The following SATB2 variants were observed in gnomAD, a reference collection of about 807,000 sequenced individuals.
SATB2 encodes the protein SATB homeobox 2, also known as DNA-binding protein SATB2.
Under a neutral mutation model 73.4 loss-of-function variants are expected in SATB2, and 1 was observed. That is an observed-to-expected ratio of 0.01 (90% confidence interval 0.00 to 0.06). SATB2 has a LOEUF of 0.06. Among genes scored for constraint, SATB2 ranks in the 10% least tolerant of loss-of-function variants. The pLI is 1.00. For missense variants in SATB2, 459 were observed against 945.8 expected (o/e 0.49, Z 6.75); for synonymous variants, 397 against 367.0 (o/e 1.08, Z -0.93).
At chr2:199,389,471 A>G (rs577877804) in intron 3 of SATB2, among the ~76,000 whole-genome samples, 1 of 152,232 alleles carries the variant, frequency 6.6e-6, no homozygotes, top group Non-Finnish European at 1.5e-5. Flanking sequence ...GGAGCCTACA[A>G]TGGATTTAAT....
intron 3 of SATB2, among the ~76,000 whole-genome samples, chr2:199,417,752 T>C (rs539850210): frequency 6.6e-6 from 1 of 152,336 alleles, no homozygotes; most frequent in South Asian, 2.1e-4. Context: ...AGTTTTATTA[T>C]ATTGTCAGCC....
chr2:199,377,671 G>A lies in SATB2; in HGVS notation c.597+2693C>T, dbSNP rs150670895. Among the ~76,000 whole-genome samples the A allele has an allele frequency of 1.8e-4, 27 of 152,232 alleles. 1 individual carries two copies. The East Asian group carries it at 4.3e-3, about 24-fold the overall frequency. On this transcript the variant is annotated intron_variant, in intron 5 of 10. Transcript: ENST00000417098. The stretch of plus-strand genomic sequence containing the variant: ...TGATGGTCTTTATGATATGGAGTCC[G>A]TACTTCCTACAGGGTGGGTAGGGGG...
chr2:199,330,877 T>C (rs1025659608), intron 7 of SATB2, among the ~76,000 whole-genome samples: 9 of 152,168 alleles, frequency 5.9e-5, no homozygotes, highest in African/African-American at 2.2e-4. Context: ...GTTGGTCTTT[T>C]TCCTCTCCCT....
At chr2:199,456,273 C>T (rs1309405212) in intron 1 of SATB2, among the ~76,000 whole-genome samples, 177 bp from the exon 2 acceptor site, 2 of 152,226 alleles carry the variant, frequency 1.3e-5, no homozygotes, top group African/African-American at 4.8e-5. Flanking sequence ...ACTGGGCGGC[C>T]CCCAGGAAGC....
chr2:199,424,394 T>C (rs985908235), intron 3 of SATB2, among the ~76,000 whole-genome samples: 1 of 152,162 alleles, frequency 6.6e-6, no homozygotes, highest in African/African-American at 2.4e-5. Context: ...CACCGAGCTC[T>C]TCTTCTGTCA....
At chr2:199,449,287 C>A (rs1692056374) in intron 2 of SATB2, among the ~76,000 whole-genome samples, 2 of 152,186 alleles carry the variant, frequency 1.3e-5, no homozygotes, top group South Asian at 4.1e-4. Context: ...AATTGAGCAG[C>A]AAAGATACAG....
At chr2:199,310,150 G>A (rs1232785478) in intron 9 of SATB2, among the ~76,000 whole-genome samples, 2 of 152,150 alleles carry the variant, frequency 1.3e-5, no homozygotes, top group African/African-American at 4.8e-5. Context: ...TCAACTGCCG[G>A]CTGCAGCACC....
At chr2:199,424,428 G>A (rs1019642978) in intron 3 of SATB2, among the ~76,000 whole-genome samples, 1 of 152,030 alleles carries the variant, frequency 6.6e-6, no homozygotes, top group Non-Finnish European at 1.5e-5. Context: ...GGAAGTCCCC[G>A]ACAGCTCTGG....
intron 3 of SATB2, among the ~76,000 whole-genome samples, chr2:199,431,789 G>C (rs994419524): frequency 6.6e-6 from 1 of 152,130 alleles, no homozygotes; most frequent in African/African-American, 2.4e-5. Flanking sequence ...CTCGCGACGC[G>C]CTGAACGGCT....
chr2:199,418,225 A>C, intron 3 of SATB2, among the ~76,000 whole-genome samples: 1 of 152,220 alleles, frequency 6.6e-6, no homozygotes, highest in East Asian at 1.9e-4. Flanking sequence ...GAGGCAGAGA[A>C]TCGCAGAGCT....
intron 3 of SATB2, among the ~76,000 whole-genome samples, chr2:199,404,992 A>G (rs1218445569): frequency 6.6e-6 from 1 of 152,248 alleles, no homozygotes; most frequent in Non-Finnish European, 1.5e-5. Context: ...GCTTTTCTGC[A>G]ATGACTCAAT....
intron 3 of SATB2, among the ~76,000 whole-genome samples, chr2:199,419,668 A>G (rs1192686400): frequency 2.0e-5 from 3 of 152,138 alleles, no homozygotes; most frequent in Admixed American, 6.5e-5. Flanking sequence ...TAATGAAAAC[A>G]CCGCCATATA....
intron 6 of SATB2, among the ~76,000 whole-genome samples, chr2:199,351,015 C>T (rs1267286274): frequency 1.5e-5 from 2 of 131,734 alleles, no homozygotes; most frequent in Admixed American, 8.8e-5. Flanking sequence ...GAGTGACGAG[C>T]GAGACTCTGT....
At chr2:199,325,106 C>T (rs1687996031) in intron 8 of SATB2, among the ~76,000 whole-genome samples, 1 of 152,132 alleles carries the variant, frequency 6.6e-6, no homozygotes, top group African/African-American at 2.4e-5. Context: ...AAAGGCTTTG[C>T]TTCCTAACAG....
rs575513073 is a variant in SATB2, at chr2:199,381,880, G to T, written c.347-60C>A. The T allele has an allele frequency of 4.4e-6, 7 of 1,582,876 alleles. No individual in the cohort carries two copies. In the South Asian group the frequency reaches 5.6e-5, roughly 13 times the overall value. ...CTGCTATTTATTAAACCTTCCCATTGTTTGTTCAATGTTAAGAAGGTCATT... is the reference window on the plus strand; with the variant it reads ...CTGCTATTTATTAAACCTTCCCATTTTTTGTTCAATGTTAAGAAGGTCATT... On this transcript the variant is annotated intron_variant, in intron 3 of 10. Coordinates refer to ENST00000417098, the MANE Select transcript of SATB2 (RefSeq NM_001172509.2).
chr2:199,343,705 TA>T (rs1472316428), intron 7 of SATB2, among the ~76,000 whole-genome samples: 1 of 152,162 alleles, frequency 6.6e-6, no homozygotes, highest in African/African-American at 2.4e-5. Context: ...TTTCCTAAAT[TA>T]AAAGCAGAAT....
At chr2:199,285,767 AAGTGGC>A (rs1254028661) in intron 10 of SATB2, among the ~76,000 whole-genome samples, 1 of 151,976 alleles carries the variant, frequency 6.6e-6, no homozygotes, top group Non-Finnish European at 1.5e-5. Flanking sequence ...AAGAAAAAAA[AAGTGGC>A]AGTCAACAAA....
intron 10 of SATB2, among the ~76,000 whole-genome samples, chr2:199,298,011 A>G (rs1687163746): frequency 6.6e-6 from 1 of 152,212 alleles, no homozygotes; most frequent in Non-Finnish European, 1.5e-5. Flanking sequence ...CAACTGTACT[A>G]CATGCAAACA....
intron 3 of SATB2, among the ~76,000 whole-genome samples, chr2:199,430,262 C>T (rs1307953239): frequency 6.6e-6 from 1 of 152,316 alleles, no homozygotes; most frequent in East Asian, 1.9e-4. Flanking sequence ...CCCAGAATAG[C>T]AGCAGTACCC....
Sources: gnomAD v4.1 joint callset for allele counts (sites outside exome capture counted in the v4.1 genomes callset) on GRCh38, gnomAD v4.1.1 for gene constraint, MANE v1.5 for transcripts, NCBI Gene and HGNC (gene_info 2026-07-23, HGNC 2026-07-21) for gene names.